Variants in MRTFB observed in about 807,000 individuals in gnomAD.
MRTFB encodes the protein myocardin related transcription factor B.
A neutral mutation model predicts 104.2 loss-of-function variants in MRTFB; 29 were observed. That is an observed-to-expected ratio of 0.28 (90% CI 0.21 to 0.38). The LOEUF (loss-of-function observed/expected upper bound fraction) is 0.38. MRTFB is among the 10% of genes least tolerant of loss of function. MRTFB has a pLI of 1.00. For synonymous variants in MRTFB, 535 were observed against 519.5 expected (o/e 1.03, Z -0.41); for missense variants, 1,270 against 1,341.6 (o/e 0.95, Z 0.83).
chr16:14,219,932 G>T (rs1293860208), intron 8 of MRTFB, among the ~76,000 whole-genome samples: 1 of 152,154 alleles, frequency 6.6e-6, no homozygotes, highest in Non-Finnish European at 1.5e-5. Context: ...CAGAAAAGGT[G>T]CTTAGTAAAT....
chr16:14,232,258 G>A (rs987080068), intron 8 of MRTFB, among the ~76,000 whole-genome samples: 1 of 152,128 alleles, frequency 6.6e-6, no homozygotes, highest in Non-Finnish European at 1.5e-5. Flanking sequence ...TTACATAATA[G>A]CCAAGGAATG....
chr16:14,089,930 C>G (rs1426666244), intron 2 of MRTFB, among the ~76,000 whole-genome samples: 1 of 152,118 alleles, frequency 6.6e-6, no homozygotes, highest in Non-Finnish European at 1.5e-5. Flanking sequence ...ACTTGTATAT[C>G]TTAGAGAAAT....
chr16:14,054,901 C>T, the MRTFB span, among the ~76,000 whole-genome samples: 1 of 152,200 alleles, frequency 6.6e-6, no homozygotes, highest in Admixed American at 6.5e-5. Context: ...GTAAACTGAG[C>T]ACCTCATTAA....
the MRTFB span, among the ~76,000 whole-genome samples, chr16:14,058,696 T>G: frequency 6.6e-6 from 1 of 151,096 alleles, no homozygotes; most frequent in Non-Finnish European, 1.5e-5. Flanking sequence ...TATTTATTTA[T>G]TTTTTATTTG....
intron 3 of MRTFB, among the ~76,000 whole-genome samples, chr16:14,161,902 G>GGT: frequency 6.6e-6 from 1 of 152,184 alleles, no homozygotes; most frequent in East Asian, 1.9e-4. Flanking sequence ...TAGAGCAGTT[G>GGT]GTGGGTACAT....
chr16:14,037,734 C>T, the MRTFB span, among the ~76,000 whole-genome samples: 1 of 152,264 alleles, frequency 6.6e-6, no homozygotes, highest in African/African-American at 2.4e-5. Flanking sequence ...GTGCATGAGG[C>T]AGAGAAGGCT....
chr16:14,198,516 G>C (rs1469108751), intron 3 of MRTFB, among the ~76,000 whole-genome samples: 1 of 152,234 alleles, frequency 6.6e-6, no homozygotes, highest in Non-Finnish European at 1.5e-5. Context: ...TTGCCATGCA[G>C]TTTCCTGATT....
Position 14,249,137 on chromosome 16 carries a change from A to T in MRTFB, c.2403+56A>T, listed in dbSNP as rs759399664. ...CGCTGATTTTTACCATCCTCCGATC[A>T]TCCATTCAACAAGCATCTTTGTAAA... On this transcript the variant is annotated intron_variant, in intron 13 of 16. Transcript: ENST00000571589. The T allele has an allele frequency of 8.2e-6, 13 of 1,577,778 alleles. No homozygotes were observed. In the African/African-American group the frequency reaches 1.5e-4, roughly 18 times the overall value.
chr16:14,265,050 T>C lies in MRTFB; in HGVS notation c.*3606T>C, dbSNP rs1228065132. ...AAGCACTTTGGCAGGGTTTAAAATA[T>C]TTGTGAGAAGCCCACATTTCAGTAT... On this transcript the variant is annotated 3_prime_UTR_variant, in exon 17 of 17. Transcript: ENST00000571589. 6.6e-6 allele frequency: 1 copy of C among 152,218 alleles called. No individual in the cohort carries two copies. The highest frequency in any genetic ancestry group is 6.5e-5 in the Admixed American group (1 of 15,286). 9.4% of individuals were successfully genotyped at this position (152,218 alleles called of 1,614,324 possible). A position where few individuals can be genotyped will look rare whatever the true frequency, so the allele number is the denominator to read the frequency against.
chr16:14,098,615 C>A (rs1567320120), intron 2 of MRTFB, among the ~76,000 whole-genome samples: 1 of 152,144 alleles, frequency 6.6e-6, no homozygotes. Context: ...GGTGTTAGAA[C>A]TAGGAGCTCC....
chr16:14,264,202 G>GT lies in MRTFB; in HGVS notation c.*2759dup, dbSNP rs1485729766. Reference sequence around the variant, plus strand: ...GTACTGTTGTATATCATATTGTAAAGTATCATACTGCCAAGAAAATAACTC... The same window carrying GT: ...GTACTGTTGTATATCATATTGTAAAGTTATCATACTGCCAAGAAAATAACTC... On this transcript the variant is annotated 3_prime_UTR_variant, in exon 17 of 17. Coordinates refer to ENST00000571589, the MANE Select transcript of MRTFB (RefSeq NM_001308142.2). The GT allele has an allele frequency of 6.6e-6, 1 of 152,142 alleles. No homozygotes were observed. The highest frequency in any genetic ancestry group is 1.5e-5 in the Non-Finnish European group (1 of 68,034). 9.4% of individuals were successfully genotyped at this position (152,142 alleles called of 1,614,324 possible). A position where few individuals can be genotyped will look rare whatever the true frequency, so the allele number is the denominator to read the frequency against.
chr16:14,016,501 G>A, the MRTFB span, among the ~76,000 whole-genome samples: 4 of 152,000 alleles, frequency 2.6e-5, no homozygotes, highest in East Asian at 5.8e-4. Context: ...GGCTGGGCGC[G>A]GTGGCTCACG....
intron 2 of MRTFB, among the ~76,000 whole-genome samples, chr16:14,089,802 C>T (rs957462585): frequency 6.6e-6 from 1 of 152,128 alleles, no homozygotes; most frequent in South Asian, 2.1e-4. Context: ...AACACTTTTC[C>T]ATGATTGTGT....
intron 9 of MRTFB, 80 bp downstream of exon 9, chr16:14,234,363 C>T (rs1320014233): frequency 1.2e-5 from 18 of 1,483,576 alleles, no homozygotes; most frequent in Non-Finnish European, 1.6e-5. Context: ...AAGACAAAGG[C>T]ATTTATCCAA....
chr16:14,250,765 T>TAG (rs2151426928), intron 13 of MRTFB, among the ~76,000 whole-genome samples: 1 of 152,146 alleles, frequency 6.6e-6, no homozygotes, highest in Non-Finnish European at 1.5e-5. Flanking sequence ...ATCCCTGTGA[T>TAG]AGATAGTGAA....
chr16:14,142,276 TCA>T (rs1393897499), intron 3 of MRTFB: 1 of 139,192 alleles, frequency 7.2e-6, no homozygotes, highest in Non-Finnish European at 1.5e-5. Flanking sequence ...AGACGGAGTC[TCA>T]CTCTGTCGCC....
intron 3 of MRTFB, among the ~76,000 whole-genome samples, chr16:14,154,153 C>G (rs1181548124): frequency 6.6e-6 from 1 of 152,094 alleles, no homozygotes; most frequent in Non-Finnish European, 1.5e-5. Flanking sequence ...GGCAATAAAG[C>G]TAGACCCTGT....
the MRTFB span, among the ~76,000 whole-genome samples, chr16:14,041,370 C>A: frequency 6.6e-6 from 1 of 152,188 alleles, no homozygotes; most frequent in Non-Finnish European, 1.5e-5. Flanking sequence ...CCCCCGGCAA[C>A]CGCAATTATT....
At chr16:14,252,230 A>G (rs1303578203) in intron 14 of MRTFB, 135 bp from the exon 15 acceptor site, 6 of 1,379,218 alleles carry the variant, frequency 4.4e-6, no homozygotes, top group Non-Finnish European at 4.9e-6. Flanking sequence ...TGTCAGCCTC[A>G]CAGGTGCTTA....
Sources: gnomAD v4.1 joint callset for allele counts (sites outside exome capture counted in the v4.1 genomes callset) on GRCh38, gnomAD v4.1.1 for gene constraint, MANE v1.5 for transcripts, NCBI Gene and HGNC (gene_info 2026-07-23, HGNC 2026-07-21) for gene names.